Variants in GPATCH1 observed in about 807,000 individuals in gnomAD.
The protein encoded by GPATCH1 is G patch domain-containing protein 1.
A neutral mutation model predicts 114.9 loss-of-function variants in GPATCH1; 73 were observed. The ratio of observed to expected loss-of-function variants is 0.64; its 90% CI spans 0.53 to 0.77. The LOEUF (loss-of-function observed/expected upper bound fraction) is 0.77, where lower values mean the gene tolerates loss of function less well. Ranked by LOEUF, GPATCH1 falls within the 30% of genes least tolerant of loss-of-function variation. The pLI, the probability that GPATCH1 is intolerant of heterozygous loss-of-function variation, is 0.00. For missense variants in GPATCH1, 1,058 were observed against 1,144.3 expected (o/e 0.92, Z 1.09); for synonymous variants, 391 against 428.4 (o/e 0.91, Z 1.08).
chr19:33,094,927 T>C (rs2145309504), intron 5 of GPATCH1, among the ~76,000 whole-genome samples: 1 of 152,228 alleles, frequency 6.6e-6, no homozygotes, highest in South Asian at 2.1e-4. Context: ...CACTTTGGGA[T>C]GCTGAGGTGA....
At chr19:33,085,472 A>G (rs1972526193) in intron 1 of GPATCH1, among the ~76,000 whole-genome samples, 1 of 151,988 alleles carries the variant, frequency 6.6e-6, no homozygotes, top group African/African-American at 2.4e-5. Context: ...TGGGCCTCTC[A>G]AAGTGCTGGG....
At chr19:33,113,446 G>GAA in intron 13 of GPATCH1, 5 of 208,588 alleles carry the variant, frequency 2.4e-5, no homozygotes, top group Admixed American at 5.8e-5. Context: ...AATCTCAAGA[G>GAA]AAAAAAAAAC....
chr19:33,113,934 G>T, intron 14 of GPATCH1, 31 bp downstream of exon 14: 1 of 1,606,446 alleles, frequency 6.2e-7, no homozygotes. Context: ...GTCTCTGATT[G>T]ACCAGGGCCT....
At chr19:33,114,502 C>T (rs1449310454) in intron 15 of GPATCH1, 83 bp downstream of exon 15, 4 of 1,104,786 alleles carry the variant, frequency 3.6e-6, no homozygotes, top group African/African-American at 3.3e-5. Flanking sequence ...CCTCGTGACT[C>T]ACCAGCAGAG....
chr19:33,097,398 G>T (rs1044296371), intron 7 of GPATCH1, among the ~76,000 whole-genome samples: 2 of 152,202 alleles, frequency 1.3e-5, no homozygotes, highest in African/African-American at 2.4e-5. Context: ...GGCCCAGGCC[G>T]CATTGATCAG....
chr19:33,100,220 T>A (rs1467858729), intron 8 of GPATCH1: 1 of 152,082 alleles, frequency 6.6e-6, no homozygotes, highest in Non-Finnish European at 1.5e-5. Flanking sequence ...GGTTTTGAGA[T>A]AATACAAGTT....
intron 16 of GPATCH1, 103 bp downstream of exon 16, chr19:33,118,144 A>G (rs1972937407): frequency 5.7e-6 from 4 of 705,198 alleles, no homozygotes; most frequent in Non-Finnish European, 9.7e-6. Flanking sequence ...ATGATTAGCA[A>G]TCAATGATAT....
chr19:33,127,849 C>T (rs1281783400), intron 19 of GPATCH1, among the ~76,000 whole-genome samples: 1 of 151,868 alleles, frequency 6.6e-6, no homozygotes, highest in Admixed American at 6.6e-5. Context: ...ACTGGGATTA[C>T]AGGCACCCGC....
At chr19:33,125,886 G>A (rs934179721) in intron 18 of GPATCH1, among the ~76,000 whole-genome samples, 1 of 152,170 alleles carries the variant, frequency 6.6e-6, no homozygotes, top group African/African-American at 2.4e-5. Context: ...AAAAGAATTC[G>A]AATGGAAGGC....
chr19:33,093,573 G>A (rs12460195), intron 4 of GPATCH1, 54 bp downstream of exon 4: 465,935 of 1,493,768 alleles, frequency 0.31, 86,892 homozygotes, highest in African/African-American at 0.74. Context: ...TTGCATATGT[G>A]TGATTCTCTT....
chr19:33,120,271 C>CAATTATATAAAAATTATATAA (rs1972966041), intron 17 of GPATCH1, among the ~76,000 whole-genome samples: 1 of 120,284 alleles, frequency 8.3e-6, no homozygotes, highest in African/African-American at 3.0e-5. Flanking sequence ...TTATATATAA[C>CAATTATATAAAAATTATATAA]AATTATATAT....
At chr19:33,087,451 A>G (rs1391828631) in intron 1 of GPATCH1, among the ~76,000 whole-genome samples, 1 of 152,124 alleles carries the variant, frequency 6.6e-6, no homozygotes, top group Non-Finnish European at 1.5e-5. Flanking sequence ...GAAAAGGAAT[A>G]GGTTTAAAGA....
chr19:33,082,109 TGG>T (rs1972484780), intron 1 of GPATCH1, among the ~76,000 whole-genome samples: 1 of 151,436 alleles, frequency 6.6e-6, no homozygotes, highest in Non-Finnish European at 1.5e-5. Context: ...GAGATGATGG[TGG>T]CATGGATGGG....
At chr19:33,101,676 T>A (rs900582815) in intron 9 of GPATCH1, 102 bp downstream of exon 9, 15 of 655,256 alleles carry the variant, frequency 2.3e-5, no homozygotes, top group Non-Finnish European at 2.9e-5. Context: ...GATAAGTAAA[T>A]TCTGTTTTCA....
At position 33,103,675 on chromosome 19, in the gene GPATCH1, C is replaced by A. The variant is rs1482525939; in HGVS notation, c.1080+2101C>A. Among the ~76,000 whole-genome samples, 6 of 151,782 alleles carry A rather than the reference C, an allele frequency of 4.0e-5. No homozygotes were observed. The East Asian group carries it at 5.8e-4, about 15-fold the overall frequency. ...AAGATTGTGCCACTGCACGTCTAGC[C>A]TGGGTGACAGAGCAAGACTCCATCT... On this transcript the variant is annotated intron_variant, in intron 9 of 19. Transcript: ENST00000170564.
intron 8 of GPATCH1, 25 bp downstream of exon 8, chr19:33,097,927 T>C: frequency 1.2e-6 from 2 of 1,610,640 alleles, no homozygotes; most frequent in Middle Eastern, 1.7e-4. Flanking sequence ...ACAAACCTAA[T>C]GGCAGGACCA....
chr19:33,116,894 A>G (rs987927325), intron 15 of GPATCH1, among the ~76,000 whole-genome samples: 1 of 151,964 alleles, frequency 6.6e-6, no homozygotes, highest in African/African-American at 2.4e-5. Context: ...GAAATCTTCA[A>G]CCATTCAAAT....
At chr19:33,107,580 G>C (rs1365267566) in intron 10 of GPATCH1, among the ~76,000 whole-genome samples, 1 of 152,160 alleles carries the variant, frequency 6.6e-6, no homozygotes, top group Admixed American at 6.5e-5. Flanking sequence ...TGAAAGTCTG[G>C]AAAGACATGG....
At chr19:33,115,608 C>T (rs527907431) in intron 15 of GPATCH1, among the ~76,000 whole-genome samples, 2 of 151,952 alleles carry the variant, frequency 1.3e-5, no homozygotes, top group East Asian at 1.9e-4. Context: ...AATTCCCCTG[C>T]CTCAGCCTCC....
Sources: gnomAD v4.1 joint callset for allele counts (sites outside exome capture counted in the v4.1 genomes callset) on GRCh38, gnomAD v4.1.1 for gene constraint, MANE v1.5 for transcripts, NCBI Gene and HGNC (gene_info 2026-07-23, HGNC 2026-07-21) for gene names.